ADIPOR2: variants seen among roughly 807,000 people sequenced by gnomAD.
ADIPOR2 encodes the protein adiponectin receptor 2.
In ADIPOR2, 18 loss-of-function variants were observed where a neutral mutation model predicts 40.9. The observed-to-expected ratio is 0.44, with a 90% CI of 0.30 to 0.65. ADIPOR2 has a LOEUF of 0.65. Ranked by LOEUF, ADIPOR2 falls within the 30% of genes least tolerant of loss-of-function variation. ADIPOR2 has a pLI of 0.09. For missense variants in ADIPOR2, 283 were observed against 479.2 expected (o/e 0.59, Z 3.82); for synonymous variants, 165 against 166.4 (o/e 0.99, Z 0.06).
At chr12:1,768,138 C>G (rs988861363) in intron 2 of ADIPOR2, among the ~76,000 whole-genome samples, 17 of 152,198 alleles carry the variant, frequency 1.1e-4, no homozygotes, top group African/African-American at 3.9e-4. Flanking sequence ...CAAAGGTTTA[C>G]TGTCTCCAGC....
chr12:1,706,693 T>C (rs901059980), intron 1 of ADIPOR2, among the ~76,000 whole-genome samples: 1 of 152,206 alleles, frequency 6.6e-6, no homozygotes, highest in African/African-American at 2.4e-5. Flanking sequence ...CAGATAACCA[T>C]CACCCTAATC....
At position 1,775,543 on chromosome 12, in the gene ADIPOR2, A is replaced by G. The variant is rs144789977; in HGVS notation, c.292-2311A>G. 9.2e-5 allele frequency among the ~76,000 whole-genome samples: 14 copies of G among 152,364 alleles called. No individual in the cohort carries two copies. In the East Asian group the frequency reaches 1.7e-3, roughly 19 times the overall value. The stretch of plus-strand genomic sequence containing the variant: ...CTTTTTGAATGTAAAAAAGGAACAT[A>G]TGACTCTTTTGTCTGTGTGGGGTAG... On this transcript the variant is annotated intron_variant, in intron 3 of 7. Coordinates refer to ENST00000357103, the MANE Select transcript of ADIPOR2 (RefSeq NM_024551.3).
At chr12:1,778,554 A>G (rs539336155) in intron 4 of ADIPOR2, 1 of 152,382 alleles carries the variant, frequency 6.6e-6, no homozygotes, top group South Asian at 2.1e-4. Context: ...TGCAAAAGTG[A>G]ACCCAAAATG....
At chr12:1,719,716 C>T (rs2094694151) in intron 1 of ADIPOR2, among the ~76,000 whole-genome samples, 1 of 151,408 alleles carries the variant, frequency 6.6e-6, no homozygotes, top group South Asian at 2.1e-4. Context: ...TGCTCTGTCC[C>T]CAGGCTGGAG....
chr12:1,765,289 A>G lies in ADIPOR2; in HGVS notation c.172-7553A>G, dbSNP rs974863235. On this transcript the variant is annotated intron_variant, in intron 2 of 7. Transcript: ENST00000357103. ...CTTTATGAATATGAGACATTTATTC[A>G]GTCTACAGATTACATTTAATGTGCA... Among the ~76,000 whole-genome samples the G allele has an allele frequency of 1.3e-5, 2 of 152,208 alleles. 1 individual carries two copies. The highest frequency in any genetic ancestry group is 3.8e-4 in the East Asian group (2 of 5,206).
chr12:1,720,270 T>C (rs2094695249), intron 1 of ADIPOR2, among the ~76,000 whole-genome samples: 2 of 152,166 alleles, frequency 1.3e-5, no homozygotes, highest in South Asian at 4.1e-4. Context: ...CACTTTACTT[T>C]TGCCAGGCAC....
chr12:1,724,665 G>A (rs577674273), intron 1 of ADIPOR2, among the ~76,000 whole-genome samples: 64 of 152,150 alleles, frequency 4.2e-4, no homozygotes, highest in African/African-American at 1.5e-3. Context: ...ATTTTACTAT[G>A]CCATCATGCC....
At chr12:1,731,375 T>C (rs2094719953) in intron 1 of ADIPOR2, among the ~76,000 whole-genome samples, 1 of 152,188 alleles carries the variant, frequency 6.6e-6, no homozygotes, top group South Asian at 2.1e-4. Context: ...AAATTTACTA[T>C]ATTAACCATT....
At chr12:1,730,554 T>C (rs1296877475) in intron 1 of ADIPOR2, among the ~76,000 whole-genome samples, 2 of 150,502 alleles carry the variant, frequency 1.3e-5, no homozygotes, top group African/African-American at 2.4e-5. Flanking sequence ...GAGGCGGAGC[T>C]TGCAGTGAGC....
At chr12:1,710,604 A>AC (rs2094674575) in intron 1 of ADIPOR2, among the ~76,000 whole-genome samples, 1 of 151,382 alleles carries the variant, frequency 6.6e-6, no homozygotes, top group Non-Finnish European at 1.5e-5. Flanking sequence ...CTCTCTAACA[A>AC]CCCCCGACTC....
intron 1 of ADIPOR2, among the ~76,000 whole-genome samples, chr12:1,736,554 G>A (rs529348155): frequency 4.6e-5 from 7 of 152,148 alleles, no homozygotes; most frequent in Admixed American, 3.3e-4. Flanking sequence ...GATCTTTTCA[G>A]AAAACCAGCT....
intron 2 of ADIPOR2, among the ~76,000 whole-genome samples, chr12:1,761,808 T>C (rs1862275392): frequency 6.6e-6 from 1 of 152,208 alleles, no homozygotes; most frequent in Non-Finnish European, 1.5e-5. Flanking sequence ...CTGACAGGAC[T>C]TCTGTTTTGT....
intron 1 of ADIPOR2, chr12:1,697,237 C>T (rs1455058614): frequency 6.6e-6 from 1 of 152,192 alleles, no homozygotes; most frequent in East Asian, 1.9e-4. Context: ...AAAAGTTAAA[C>T]ACTGTGAGTT....
At chr12:1,780,420 T>C in intron 4 of ADIPOR2, 31 bp from the exon 5 acceptor site, 1 of 1,557,740 alleles carries the variant, frequency 6.4e-7, no homozygotes, top group Non-Finnish European at 8.7e-7. Context: ...AAGGGTGATA[T>C]TTTATCTATT....
At chr12:1,722,952 C>T (rs1488177620) in intron 1 of ADIPOR2, among the ~76,000 whole-genome samples, 1 of 152,162 alleles carries the variant, frequency 6.6e-6, no homozygotes, top group Admixed American at 6.5e-5. Context: ...TGGTCAAATC[C>T]AATCTACCTT....
chr12:1,766,639 A>G (rs918679822), intron 2 of ADIPOR2, among the ~76,000 whole-genome samples: 3 of 152,176 alleles, frequency 2.0e-5, no homozygotes, highest in Non-Finnish European at 2.9e-5. Context: ...GGACAAAAAT[A>G]TAAGAGAGGC....
intron 1 of ADIPOR2, among the ~76,000 whole-genome samples, chr12:1,704,790 TTGC>T: frequency 6.6e-6 from 1 of 152,332 alleles, no homozygotes; most frequent in Non-Finnish European, 1.5e-5. Context: ...CTAAGAAGTG[TTGC>T]TGCTGAGGCC....
At chr12:1,770,982 A>G (rs920895276) in intron 2 of ADIPOR2, among the ~76,000 whole-genome samples, 8 of 152,216 alleles carry the variant, frequency 5.3e-5, no homozygotes, top group Non-Finnish European at 8.8e-5. Context: ...CAGTACATAG[A>G]TAGTATATCT....
intron 3 of ADIPOR2, among the ~76,000 whole-genome samples, chr12:1,774,072 C>A (rs2215097): frequency 0.066 from 10,025 of 152,198 alleles, 864 homozygotes; most frequent in African/African-American, 0.19. Flanking sequence ...TTCTAGTGAT[C>A]ACTGTCTCAG....
Sources: allele counts gnomAD v4.1 joint callset (sites outside exome capture counted in the v4.1 genomes callset), GRCh38; gene constraint gnomAD v4.1.1; transcripts MANE v1.5; gene names NCBI Gene and HGNC (gene_info 2026-07-23, HGNC 2026-07-21).